The following SMARCB1 variants were observed in gnomAD, a reference collection of about 807,000 sequenced individuals.
SMARCB1 encodes SWI/SNF related BAF chromatin remodeling complex subunit B1.
SMARCB1 carries 5 observed loss-of-function variants against 49.0 expected under a neutral mutation model. The observed-to-expected ratio is 0.10, with a 90% CI of 0.05 to 0.21. The LOEUF (loss-of-function observed/expected upper bound fraction) is 0.21, where lower values mean the gene tolerates loss of function less well. Ranked by LOEUF, SMARCB1 falls within the 10% of genes least tolerant of loss-of-function variation. SMARCB1 has a pLI of 1.00. For missense variants in SMARCB1, 226 were observed against 509.2 expected, an observed-to-expected ratio of 0.44 and a Z score of 5.35; for synonymous variants, 201 against 200.1, an observed-to-expected ratio of 1.00 and a Z score of -0.04.
chr22:23,834,974 G>A lies in SMARCB1; in HGVS notation c.*794G>A, dbSNP rs760892979. ...CCTGTGTGGGCACTGCTGGGCTGTCGCCAGCCTGGGTGCAGGAGGGCTGTT... is the reference window on the plus strand; with the variant it reads ...CCTGTGTGGGCACTGCTGGGCTGTCACCAGCCTGGGTGCAGGAGGGCTGTT... On this transcript the variant is annotated 3_prime_UTR_variant, in exon 9 of 9. Transcript: ENST00000644036. 7.7e-5 allele frequency: 119 copies of A among 1,542,042 alleles called. No homozygotes were observed. Among genetic ancestry groups the A allele is most frequent in the Admixed American group, 3.7e-4 (19 of 51,246 alleles).
intron 5 of SMARCB1, among the ~76,000 whole-genome samples, chr22:23,813,125 A>G (rs1291622610): frequency 2.0e-5 from 3 of 152,176 alleles, no homozygotes; most frequent in Non-Finnish European, 4.4e-5. Context: ...TCGGCCTCCC[A>G]AAGTGCTGGG....
At chr22:23,792,364 A>G (rs749355451) in intron 2 of SMARCB1, 1 of 314,404 alleles carries the variant, frequency 3.2e-6, no homozygotes. Flanking sequence ...GCCCATGTGC[A>G]TGTCCCTGCT....
At chr22:23,824,601 G>A (rs9608201) in intron 6 of SMARCB1, 107,101 of 155,224 alleles carry the variant, frequency 0.69, 38,652 homozygotes, top group Non-Finnish European at 0.8. Context: ...GTCCACTAGT[G>A]GAAAACCCCT....
At chr22:23,814,321 A>G (rs915681406) in intron 5 of SMARCB1, among the ~76,000 whole-genome samples, 2 of 152,224 alleles carry the variant, frequency 1.3e-5, no homozygotes, top group African/African-American at 4.8e-5. Flanking sequence ...ATGTGATTCA[A>G]TGGAGGAAAG....
At chr22:23,803,196 T>G in intron 4 of SMARCB1, 99 bp from the exon 5 acceptor site, 1 of 1,516,670 alleles carries the variant, frequency 6.6e-7, no homozygotes, top group Non-Finnish European at 9.1e-7. Context: ...CTTCCCCAGA[T>G]GGGTTTGCAG....
At position 23,835,372 on chromosome 22, in the gene SMARCB1, TTGGCAGGTCCCATGC is replaced by T. The variant is rs923260785; in HGVS notation, c.*1195_*1209del. On this transcript the variant is annotated 3_prime_UTR_variant, in exon 9 of 9. Transcript: ENST00000644036. The stretch of plus-strand genomic sequence containing the variant: ...CACAGACTGCTGCCACCCTCAGCTG[TTGGCAGGTCCCATGC>T]TGCCAGGGCAGGGCTAGGGTCAGAG... The T allele has an allele frequency of 5.0e-6, 5 of 990,490 alleles. No individual in the cohort carries two copies. The highest frequency in any genetic ancestry group is 6.0e-6 in the Non-Finnish European group (5 of 833,620). 61.4% of individuals were successfully genotyped at this position (990,490 alleles called of 1,614,324 possible).
intron 6 of SMARCB1, 65 bp downstream of exon 6, chr22:23,817,001 A>C: frequency 1.5e-6 from 2 of 1,342,206 alleles, no homozygotes; most frequent in South Asian, 1.2e-5. Flanking sequence ...ATCATGGAGC[A>C]CTGAGGGTAC....
intron 5 of SMARCB1, among the ~76,000 whole-genome samples, chr22:23,814,190 T>C (rs2146003527): frequency 6.6e-6 from 1 of 152,318 alleles, no homozygotes; most frequent in Non-Finnish European, 1.5e-5. Context: ...AGGCTTACTA[T>C]ATAGCTACGA....
chr22:23,811,859 G>A (rs1049318160), intron 5 of SMARCB1, among the ~76,000 whole-genome samples: 1 of 152,136 alleles, frequency 6.6e-6, no homozygotes, highest in African/African-American at 2.4e-5. Flanking sequence ...ATTGAAAACA[G>A]AAATCAAACA....
intron 4 of SMARCB1, 154 bp downstream of exon 4, chr22:23,801,235 C>A: frequency 9.2e-7 from 1 of 1,088,092 alleles, no homozygotes; most frequent in Non-Finnish European, 1.4e-6. Flanking sequence ...GTTGTGTTTC[C>A]CTGACTTCCA....
At chr22:23,790,921 A>G (rs1195592155) in intron 1 of SMARCB1, among the ~76,000 whole-genome samples, 3 of 152,218 alleles carry the variant, frequency 2.0e-5, no homozygotes, top group Non-Finnish European at 2.9e-5. Context: ...AAAATGGGAA[A>G]CATAATAGAA....
rs1253795623 is a variant in SMARCB1 at position 23,836,675 on chromosome 22, C to T, written c.*2495C>T. ...GAGGCCACACTGAGTGAGGACGGGG[C>T]AGGCATAGAAGGATGTGGCCAGGTG... On this transcript the variant is annotated 3_prime_UTR_variant, in exon 9 of 9. Coordinates refer to ENST00000644036, the MANE Select transcript of SMARCB1 (RefSeq NM_003073.5). 1.6e-6 allele frequency: 2 copies of T among 1,284,248 alleles called. No individual in the cohort carries two copies. The highest frequency in any genetic ancestry group is 4.0e-5 in the Admixed American group (1 of 24,858). 79.6% of individuals were successfully genotyped at this position (1,284,248 alleles called of 1,614,324 possible).
chr22:23,827,114 C>T (rs950747149), intron 7 of SMARCB1, among the ~76,000 whole-genome samples: 5 of 152,200 alleles, frequency 3.3e-5, no homozygotes, highest in East Asian at 3.9e-4. Flanking sequence ...TCATGTTGCG[C>T]GCATCAACAC....
chr22:23,816,945 C>T lies in SMARCB1; in HGVS notation c.795+9C>T, dbSNP rs1007579645. 6.2e-7 allele frequency: 1 copy of T among 1,612,840 alleles called. No homozygotes were observed. Among genetic ancestry groups the T allele is most frequent in the Admixed American group, 1.7e-5 (1 of 60,014 alleles). On this transcript the variant is annotated intron_variant, in intron 6 of 8. Coordinates refer to ENST00000644036, the MANE Select transcript of SMARCB1 (RefSeq NM_003073.5). The stretch of plus-strand genomic sequence containing the variant: ...AGCGCGTCATCATCAAGGTAGGTGA[C>T]TTCTCACCCAGCACTGGAGCCTTCC...
chr22:23,835,293 C>T lies in SMARCB1; in HGVS notation c.*1113C>T, dbSNP rs935256525. 2.4e-5 allele frequency: 25 copies of T among 1,052,270 alleles called. No homozygotes were observed. The highest frequency in any genetic ancestry group is 1.7e-4 in the African/African-American group (10 of 59,682). The allele number at this position is 1,052,270 out of a possible 1,614,324, so 65.2% of individuals were successfully genotyped here. On this transcript the variant is annotated 3_prime_UTR_variant, in exon 9 of 9. Transcript: ENST00000644036. ...GATCTGGGAGGGCAGCAAACTGGCT[C>T]GCAGCTCCAGCCTTACTGAAGAGAA... is the stretch of plus-strand genomic sequence containing the variant.
chr22:23,837,457 T>C lies in SMARCB1; in HGVS notation c.*3277T>C. On this transcript the variant is annotated 3_prime_UTR_variant, in exon 9 of 9. Coordinates refer to ENST00000644036, the MANE Select transcript of SMARCB1 (RefSeq NM_003073.5). Reference sequence around the variant, plus strand: ...TCAGGACCGTGCAAGCATCAGTAGATCCGTCCTGACGATGCAAATTATGTG... The same window carrying C: ...TCAGGACCGTGCAAGCATCAGTAGACCCGTCCTGACGATGCAAATTATGTG... 1.5e-6 allele frequency: 1 copy of C among 663,088 alleles called. No individual in the cohort carries two copies. 41.1% of individuals were successfully genotyped at this position (663,088 alleles called of 1,614,324 possible).
intron 6 of SMARCB1, chr22:23,823,001 C>T (rs1276917130): frequency 2.8e-5 from 2 of 71,698 alleles, no homozygotes; most frequent in Non-Finnish European, 5.3e-5. Flanking sequence ...TTTTTTTTGA[C>T]ACAGAGTCTC....
Position 23,812,865 on chromosome 22 carries a change from A to ATT in SMARCB1, c.629-3888_629-3887dup, listed in dbSNP as rs34368167. ...ATTTAGTACAAAAAGTCCTGTTGCTATTTTTTTTTTTTTTTTTTAGACGGA... is the reference window on the plus strand; with the variant it reads ...ATTTAGTACAAAAAGTCCTGTTGCTATTTTTTTTTTTTTTTTTTTTAGACGGA... On this transcript the variant is annotated intron_variant, in intron 5 of 8. Transcript: ENST00000644036. Among the ~76,000 whole-genome samples the ATT allele has an allele frequency of 9.4e-3, 1,293 of 137,774 alleles. 14 individuals are homozygous for ATT. The highest frequency in any genetic ancestry group is 0.029 in the African/African-American group (1,103 of 37,732). The allele number at this position is 137,774 out of a possible 152,430, so 90.4% of individuals were successfully genotyped here. A position where few individuals can be genotyped will look rare whatever the true frequency, so the allele number is the denominator to read the frequency against.
At chr22:23,800,207 C>A (rs955675674) in intron 3 of SMARCB1, among the ~76,000 whole-genome samples, 2 of 152,240 alleles carry the variant, frequency 1.3e-5, no homozygotes, top group African/African-American at 4.8e-5. Context: ...TGAGCCACTG[C>A]ACCTGGTGCT....
Sources: allele counts gnomAD v4.1 joint callset (sites outside exome capture counted in the v4.1 genomes callset), GRCh38; gene constraint gnomAD v4.1.1; transcripts MANE v1.5; gene names NCBI Gene and HGNC (gene_info 2026-07-23, HGNC 2026-07-21).